Variants in SEH1L observed in about 807,000 individuals in gnomAD.
SEH1L encodes nucleoporin SEH1.
A neutral mutation model predicts 49.5 loss-of-function variants in SEH1L; 18 were observed. The observed-to-expected ratio is 0.36, with a 90% CI of 0.25 to 0.54. SEH1L has a LOEUF of 0.54. Ranked by LOEUF, SEH1L falls within the 20% of genes least tolerant of loss-of-function variation. The pLI is 0.87. For missense variants in SEH1L, 404 were observed against 528.8 expected, an observed-to-expected ratio of 0.76 and a Z score of 2.31; for synonymous variants, 169 against 178.1, an observed-to-expected ratio of 0.95 and a Z score of 0.41.
chr18:12,966,607 G>T (rs2031464955), intron 4 of SEH1L, among the ~76,000 whole-genome samples: 1 of 152,044 alleles, frequency 6.6e-6, no homozygotes, highest in East Asian at 1.9e-4. Context: ...TCGCCTTGTT[G>T]CCCAGAATGG....
intron 3 of SEH1L, among the ~76,000 whole-genome samples, chr18:12,958,486 G>A (rs2031012682): frequency 6.6e-6 from 1 of 152,088 alleles, no homozygotes; most frequent in Non-Finnish European, 1.5e-5. Flanking sequence ...GTTCATCACT[G>A]CCAACATAAA....
In SEH1L at chr18:12,986,990, AT is replaced by A; in HGVS notation, c.1200del (p.Pro401LeufsTer26). 6.2e-7 allele frequency: 1 copy of A among 1,613,862 alleles called. No individual in the cohort carries two copies. The highest frequency in any genetic ancestry group is 8.5e-7 in the Non-Finnish European group (1 of 1,179,878). ...SCDADTANLQ[Y>X]PHPRRRYLSR... ...GATGCTGACACTGCCAACCTCCAGT[AT>A]CCTCACCCTCGCAGACGATATCTCT... On this transcript the variant is annotated frameshift_variant, in exon 9 of 9. Coordinates refer to ENST00000399892, the MANE Select transcript of SEH1L (RefSeq NM_001013437.2). LOFTEE classifies it high-confidence loss of function.
At chr18:12,979,631 C>A (rs994754053) in intron 6 of SEH1L, among the ~76,000 whole-genome samples, 6 of 151,648 alleles carry the variant, frequency 4.0e-5, no homozygotes, top group African/African-American at 1.5e-4. Context: ...CTCCTCACTT[C>A]CCAGTAGGGG....
intron 7 of SEH1L, chr18:12,982,938 C>T (rs1018345119): frequency 7.2e-6 from 2 of 278,758 alleles, no homozygotes; most frequent in Non-Finnish European, 1.4e-5. Flanking sequence ...TAAAAAGATA[C>T]CAGTTGTCAT....
chr18:12,970,680 C>G (rs1469331438), intron 4 of SEH1L, among the ~76,000 whole-genome samples: 1 of 152,160 alleles, frequency 6.6e-6, no homozygotes, highest in African/African-American at 2.4e-5. Context: ...TCTCCTGAGT[C>G]TCTCAAAATG....
At chr18:12,979,752 C>T (rs1598975765) in intron 6 of SEH1L, among the ~76,000 whole-genome samples, 1 of 132,638 alleles carries the variant, frequency 7.5e-6, no homozygotes, top group African/African-American at 2.8e-5. Flanking sequence ...GGGGGCTGAC[C>T]CCCCCACCTC....
intron 5 of SEH1L, among the ~76,000 whole-genome samples, chr18:12,975,386 G>A (rs1182393185): frequency 6.6e-6 from 1 of 151,990 alleles, no homozygotes; most frequent in African/African-American, 2.4e-5. Flanking sequence ...TGTACTAAGA[G>A]CTGAAGGAGC....
chr18:12,971,444 C>T, intron 5 of SEH1L, 193 bp downstream of exon 5: 1 of 398,708 alleles, frequency 2.5e-6, no homozygotes, highest in Non-Finnish European at 4.6e-6. Context: ...ACCAGCCTGG[C>T]CAATATGGTG....
At chr18:12,948,262 C>A in intron 1 of SEH1L, 30 bp downstream of exon 1, 2 of 1,548,464 alleles carry the variant, frequency 1.3e-6, no homozygotes, top group East Asian at 4.5e-5. Context: ...GCGGGGCCGA[C>A]CCCGGAAGGA....
intron 8 of SEH1L, chr18:12,985,356 C>A (rs552870007): frequency 8.6e-4 from 1,312 of 1,529,010 alleles, no homozygotes; most frequent in Non-Finnish European, 1.0e-3. Context: ...TTTGACCTCT[C>A]CCAAGATACA....
At chr18:12,952,363 G>T (rs895893967) in intron 2 of SEH1L, among the ~76,000 whole-genome samples, 1 of 151,870 alleles carries the variant, frequency 6.6e-6, no homozygotes, top group Non-Finnish European at 1.5e-5. Context: ...CTCCCAAGTA[G>T]CTGGGACTGT....
intron 3 of SEH1L, among the ~76,000 whole-genome samples, chr18:12,958,017 T>C (rs2030976741): frequency 6.6e-6 from 1 of 150,622 alleles, no homozygotes; most frequent in Non-Finnish European, 1.5e-5. Context: ...CATGATGCAA[T>C]TTTTTATTGT....
At chr18:12,971,005 TG>T in intron 4 of SEH1L, 147 bp from the exon 5 acceptor site, 1 of 597,344 alleles carries the variant, frequency 1.7e-6, no homozygotes, top group East Asian at 2.8e-5. Flanking sequence ...AGTGTGGCCA[TG>T]TCAGCTATGT....
chr18:12,953,323 A>G (rs1404108791), intron 2 of SEH1L, among the ~76,000 whole-genome samples: 2 of 152,194 alleles, frequency 1.3e-5, no homozygotes, highest in African/African-American at 2.4e-5. Context: ...AGAACGTGCC[A>G]TGTAAGTCTG....
intron 8 of SEH1L, chr18:12,985,223 A>G (rs888472863): frequency 2.4e-5 from 39 of 1,606,616 alleles, no homozygotes; most frequent in East Asian, 6.7e-5. Context: ...TTCCATTTGT[A>G]TTATGTCCTT....
intron 5 of SEH1L, chr18:12,976,561 A>G (rs7227812): frequency 0.38 from 57,500 of 152,050 alleles, 14,123 homozygotes; most frequent in East Asian, 0.73. Flanking sequence ...TCTTAGCTCC[A>G]CCTGTCCTAT....
intron 3 of SEH1L, among the ~76,000 whole-genome samples, 162 bp downstream of exon 3, chr18:12,955,771 C>T (rs957931490): frequency 1.6e-4 from 25 of 152,046 alleles, no homozygotes; most frequent in African/African-American, 6.0e-4. Flanking sequence ...TTTTTTATTT[C>T]ATTTTAACTT....
At chr18:12,971,759 G>C (rs1259994608) in intron 5 of SEH1L, 2 of 153,006 alleles carry the variant, frequency 1.3e-5, no homozygotes, top group Non-Finnish European at 2.9e-5. Flanking sequence ...GTGCTAAAGA[G>C]CTTATACCTG....
Position 12,963,230 on chromosome 18 carries a change from G to A in SEH1L, c.380G>A (p.Gly127Asp). 1 of 1,614,036 alleles carries A rather than the reference G, an allele frequency of 6.2e-7. No homozygotes were observed. Among genetic ancestry groups the A allele is most frequent in the African/African-American group, 1.3e-5 (1 of 74,986 alleles). The change falls in exon 4 of 9, where the codon GGT becomes GAT. Residue 127 changes from glycine to aspartate, a missense_variant. Gly to Asp is a moderately conservative substitution (Grantham distance 94, BLOSUM62 -1). This residue lies in a region of SEH1L where 342 missense variants were observed against 430.8 expected (regional missense o/e 0.79). Coordinates refer to ENST00000399892, the MANE Select transcript of SEH1L (RefSeq NM_001013437.2). ...GTGAAGTTTGCTCCCAAGCACATGG[G>A]TCTTATGTTAGCAACCTGTTCCGCA... ...TDVKFAPKHMGLMLATCSADG... is the reference protein window; with the variant it reads ...TDVKFAPKHMDLMLATCSADG...
Sources: allele counts gnomAD v4.1 joint callset (sites outside exome capture counted in the v4.1 genomes callset), GRCh38; gene constraint gnomAD v4.1.1; regional missense constraint gnomAD v4.1.1; transcripts MANE v1.5; gene names NCBI Gene and HGNC (gene_info 2026-07-23, HGNC 2026-07-21).